Variants in DPP10 observed in about 807,000 individuals in gnomAD.
The protein encoded by DPP10 is inactive dipeptidyl peptidase 10.
In DPP10, 33 loss-of-function variants were observed where a neutral mutation model predicts 120.9. The ratio of observed to expected loss-of-function variants is 0.27; its 90% CI spans 0.21 to 0.37. The LOEUF (loss-of-function observed/expected upper bound fraction) is 0.37, where lower values mean the gene tolerates loss of function less well. DPP10 is among the 10% of genes least tolerant of loss of function. DPP10 has a pLI of 1.00. For synonymous variants in DPP10, 337 were observed against 326.1 expected, an observed-to-expected ratio of 1.03 and a Z score of -0.36; for missense variants, 816 against 942.8, an observed-to-expected ratio of 0.87 and a Z score of 1.76.
intron 5 of DPP10, among the ~76,000 whole-genome samples, chr2:115,551,073 C>G (rs2079841902): frequency 6.6e-6 from 1 of 151,948 alleles, no homozygotes; most frequent in South Asian, 2.1e-4. Context: ...GACATTTTCC[C>G]ATGGTAACCA....
intron 1 of DPP10, among the ~76,000 whole-genome samples, chr2:114,624,680 G>A (rs576296132): frequency 3.1e-4 from 47 of 152,048 alleles, no homozygotes; most frequent in African/African-American, 1.1e-3. Context: ...TATTATAAAA[G>A]TGTCAGACAA....
chr2:114,520,128 C>G (rs969860158), intron 1 of DPP10, among the ~76,000 whole-genome samples: 1 of 152,230 alleles, frequency 6.6e-6, no homozygotes, highest in Admixed American at 6.5e-5. Context: ...TAATCATCCC[C>G]TAATAATATT....
intron 1 of DPP10, among the ~76,000 whole-genome samples, chr2:114,844,026 T>G (rs533489306): frequency 3.9e-5 from 6 of 152,218 alleles, no homozygotes. Flanking sequence ...TAGTTTACAC[T>G]GTGCCTTCTC....
intron 1 of DPP10, among the ~76,000 whole-genome samples, chr2:114,558,970 G>A (rs1240215776): frequency 6.6e-6 from 1 of 152,148 alleles, no homozygotes; most frequent in Non-Finnish European, 1.5e-5. Flanking sequence ...CCATGCCCAA[G>A]TATATCTCCA....
chr2:114,820,792 G>A (rs928996401), intron 1 of DPP10, among the ~76,000 whole-genome samples: 6 of 152,132 alleles, frequency 3.9e-5, no homozygotes, highest in Admixed American at 6.5e-5. Context: ...GGGGATTATG[G>A]GAACTACAAC....
intron 1 of DPP10, among the ~76,000 whole-genome samples, chr2:114,843,484 C>T (rs1249799396): frequency 1.3e-5 from 2 of 152,092 alleles, no homozygotes; most frequent in Non-Finnish European, 2.9e-5. Context: ...TATGCAGGGG[C>T]TTACTGAACA....
At chr2:114,909,894 G>A (rs947175384) in intron 1 of DPP10, among the ~76,000 whole-genome samples, 7 of 151,730 alleles carry the variant, frequency 4.6e-5, no homozygotes, top group East Asian at 1.9e-4. Flanking sequence ...AAAATAAGCC[G>A]CTATAAGCAA....
At position 114,581,781 on chromosome 2, in the gene DPP10, A is replaced by G. The variant is rs1349230023; in HGVS notation, c.60+138943A>G. On this transcript the variant is annotated intron_variant, in intron 1 of 25. Transcript: ENST00000410059. Reference sequence around the variant, plus strand: ...TAAAAATGATCCTTTAATATAATCTACCCAATTTAAAACTTAGACAAGTTT... The same window carrying G: ...TAAAAATGATCCTTTAATATAATCTGCCCAATTTAAAACTTAGACAAGTTT... Among the ~76,000 whole-genome samples the G allele has an allele frequency of 2.6e-5, 4 of 152,294 alleles. No individual in the cohort carries two copies. In the South Asian group the frequency reaches 8.3e-4, roughly 32 times the overall value.
chr2:115,612,162 C>T (rs1369758731), intron 5 of DPP10, among the ~76,000 whole-genome samples: 1 of 152,054 alleles, frequency 6.6e-6, no homozygotes, highest in African/African-American at 2.4e-5. Context: ...TTTTTATATG[C>T]TCATCAGCTT....
intron 1 of DPP10, among the ~76,000 whole-genome samples, chr2:114,706,298 T>C (rs1700681084): frequency 6.6e-6 from 1 of 152,204 alleles, no homozygotes; most frequent in African/African-American, 2.4e-5. Flanking sequence ...AGATCTTGTA[T>C]TGGCACCCAA....
rs556303632 is a variant in DPP10, at chr2:114,977,594, T to C, written c.61-331645T>C. 2.6e-5 allele frequency among the ~76,000 whole-genome samples: 4 copies of C among 152,206 alleles called. No homozygotes were observed. In the South Asian group the frequency reaches 8.3e-4, roughly 32 times the overall value. ...CCTAGACAGGTAGGGGTTCTGCAAG[T>C]CAGCAACCTCCCACACCTGTCCCCC... On this transcript the variant is annotated intron_variant, in intron 1 of 25. Transcript: ENST00000410059.
intron 1 of DPP10, among the ~76,000 whole-genome samples, chr2:115,302,960 A>G (rs1327148144): frequency 6.6e-6 from 1 of 152,068 alleles, no homozygotes; most frequent in Non-Finnish European, 1.5e-5. Flanking sequence ...ACTTAAATAT[A>G]AGAAATAATC....
intron 10 of DPP10, among the ~76,000 whole-genome samples, chr2:115,752,318 G>T (rs1489382659): frequency 6.6e-6 from 1 of 151,834 alleles, no homozygotes; most frequent in Non-Finnish European, 1.5e-5. Context: ...ATTGATGATT[G>T]CATTTTGTTG....
intron 3 of DPP10, among the ~76,000 whole-genome samples, chr2:115,435,051 C>CATATATATATATAT (rs58828924): frequency 6.7e-6 from 1 of 148,196 alleles, no homozygotes; most frequent in East Asian, 2.0e-4. Flanking sequence ...CACATGCACA[C>CATATATATATATAT]ATATATATAT....
intron 1 of DPP10, among the ~76,000 whole-genome samples, chr2:115,014,298 A>C (rs577904773): frequency 4.7e-4 from 71 of 152,308 alleles, no homozygotes; most frequent in African/African-American, 1.7e-3. Flanking sequence ...GAAACCAATG[A>C]GAACAAAGAC....
intron 7 of DPP10, among the ~76,000 whole-genome samples, chr2:115,720,919 G>A (rs1428091631): frequency 6.6e-6 from 1 of 152,182 alleles, no homozygotes; most frequent in South Asian, 2.1e-4. Context: ...GAATTTGGGT[G>A]GTGGGCCGGG....
chr2:115,349,777 T>C (rs1374121888), intron 3 of DPP10, among the ~76,000 whole-genome samples: 1 of 152,140 alleles, frequency 6.6e-6, no homozygotes, highest in Non-Finnish European at 1.5e-5. Context: ...TTGACACTAA[T>C]TTGTCATACT....
At chr2:114,579,474 T>C (rs925242333) in intron 1 of DPP10, among the ~76,000 whole-genome samples, 2 of 152,192 alleles carry the variant, frequency 1.3e-5, no homozygotes, top group Non-Finnish European at 2.9e-5. Context: ...TAAAAAAGGT[T>C]TGCAATCTAG....
At chr2:115,521,686 T>C (rs2077821827) in intron 4 of DPP10, among the ~76,000 whole-genome samples, 1 of 152,046 alleles carries the variant, frequency 6.6e-6, no homozygotes, top group Non-Finnish European at 1.5e-5. Flanking sequence ...TCCTTAACTT[T>C]GTAACATTGC....
Sources: allele counts gnomAD v4.1 joint callset (sites outside exome capture counted in the v4.1 genomes callset), GRCh38; gene constraint gnomAD v4.1.1; transcripts MANE v1.5; gene names NCBI Gene and HGNC (gene_info 2026-07-23, HGNC 2026-07-21).